PAM: variants seen among roughly 807,000 people sequenced by gnomAD.
The protein encoded by PAM is peptidylglycine alpha-amidating monooxygenase, also known as peptidyl-glycine alpha-amidating monooxygenase.
PAM carries 72 observed loss-of-function variants against 122.1 expected under a neutral mutation model. The ratio of observed to expected loss-of-function variants is 0.59; its 90% CI spans 0.49 to 0.72. The LOEUF (loss-of-function observed/expected upper bound fraction) is 0.72. PAM is among the 30% of genes least tolerant of loss of function. The pLI is 0.00. For missense variants in PAM, 1,106 were observed against 1,183.7 expected (o/e 0.93, Z 0.96); for synonymous variants, 389 against 404.4 (o/e 0.96, Z 0.46).
chr5:102,978,230 T>C (rs1266943896), intron 15 of PAM, among the ~76,000 whole-genome samples: 2 of 152,190 alleles, frequency 1.3e-5, no homozygotes, highest in African/African-American at 4.8e-5. Context: ...CAGTGTTTTA[T>C]CACAGTGGGA....
chr5:102,959,771 A>G (rs1761908917), intron 12 of PAM, 104 bp from the exon 13 acceptor site: 1 of 694,698 alleles, frequency 1.4e-6, no homozygotes, highest in Admixed American at 2.6e-5. Context: ...CAATATTTCT[A>G]CCTTTGAATC....
chr5:102,834,614 A>G (rs1776401330), intron 1 of PAM, among the ~76,000 whole-genome samples: 1 of 152,194 alleles, frequency 6.6e-6, no homozygotes, highest in Non-Finnish European at 1.5e-5. Context: ...AGTTGAGCAA[A>G]GATCTGAAGG....
intron 14 of PAM, among the ~76,000 whole-genome samples, chr5:102,969,077 A>G (rs1375624171): frequency 1.3e-5 from 2 of 150,908 alleles, no homozygotes; most frequent in African/African-American, 2.4e-5. Flanking sequence ...ATCACACACC[A>G]GTGCCTGTCG....
chr5:102,789,359 C>T (rs989205454), intron 1 of PAM, among the ~76,000 whole-genome samples: 6 of 151,998 alleles, frequency 3.9e-5, no homozygotes, highest in African/African-American at 1.2e-4. Context: ...TAGCATTATT[C>T]GTAATAGCCA....
intron 1 of PAM, among the ~76,000 whole-genome samples, chr5:102,791,600 C>A (rs1241750215): frequency 2.0e-5 from 3 of 152,036 alleles, no homozygotes; most frequent in Non-Finnish European, 4.4e-5. Context: ...TTTTCTCCAG[C>A]AGATTCTTCT....
intron 1 of PAM, among the ~76,000 whole-genome samples, chr5:102,805,299 A>T (rs1294164833): frequency 1.3e-5 from 2 of 151,902 alleles, no homozygotes; most frequent in African/African-American, 4.8e-5. Flanking sequence ...TGAACTCCTG[A>T]CCTCATGATC....
chr5:102,824,222 AAT>A (rs1327544643), intron 1 of PAM, among the ~76,000 whole-genome samples: 1 of 152,222 alleles, frequency 6.6e-6, no homozygotes, highest in Non-Finnish European at 1.5e-5. Context: ...TATTTAAGAA[AAT>A]ATGAGGCAAG....
chr5:102,944,900 C>A (rs920208212), intron 7 of PAM, among the ~76,000 whole-genome samples: 1 of 152,070 alleles, frequency 6.6e-6, no homozygotes, highest in East Asian at 1.9e-4. Flanking sequence ...CTATTTTACT[C>A]TTTTAATTTT....
intron 15 of PAM, among the ~76,000 whole-genome samples, chr5:102,977,296 G>A (rs376688260): frequency 1.6e-4 from 25 of 152,150 alleles, no homozygotes; most frequent in Non-Finnish European, 3.1e-4. Flanking sequence ...TCTCCACCTC[G>A]TTACGGGTTG....
At chr5:102,834,515 C>T (rs184652403) in intron 1 of PAM, among the ~76,000 whole-genome samples, 1 of 152,074 alleles carries the variant, frequency 6.6e-6, no homozygotes, top group Admixed American at 6.6e-5. Context: ...TACTTTAGAG[C>T]AATAGAGGGG....
chr5:102,842,413 C>G (rs146341318), intron 1 of PAM, among the ~76,000 whole-genome samples: 1 of 152,100 alleles, frequency 6.6e-6, no homozygotes, highest in South Asian at 2.1e-4. Flanking sequence ...CTCATGAGAT[C>G]TGATGGTTTC....
Position 103,025,078 on chromosome 5 carries a change from G to T in PAM, c.2486-53G>T, listed in dbSNP as rs891694274. 48 of 1,285,014 alleles carry T rather than the reference G, an allele frequency of 3.7e-5. No individual in the cohort carries two copies. The Middle Eastern group carries it at 5.7e-4, about 15-fold the overall frequency. The allele number at this position is 1,285,014 out of a possible 1,614,324, so 79.6% of individuals were successfully genotyped here. ...TTGACTGGGTAGGGGTGGGTAAGGG[G>T]GTTTTGAAATCTTTGAGTCAGTTGA... is the stretch of plus-strand genomic sequence containing the variant. On this transcript the variant is annotated intron_variant, in intron 23 of 25. Coordinates refer to ENST00000438793, the MANE Select transcript of PAM (RefSeq NM_001177306.2).
intron 5 of PAM, among the ~76,000 whole-genome samples, chr5:102,923,513 A>G (rs2151697211): frequency 6.6e-6 from 1 of 152,310 alleles, no homozygotes; most frequent in South Asian, 2.1e-4. Context: ...TTTTGGTCCC[A>G]GTTTTCAAAA....
At chr5:102,910,182 C>T (rs989036480) in intron 4 of PAM, among the ~76,000 whole-genome samples, 1 of 151,796 alleles carries the variant, frequency 6.6e-6, no homozygotes, top group Non-Finnish European at 1.5e-5. Context: ...CCCCAGGTCA[C>T]GTTCTTAGAG....
chr5:102,900,424 T>A (rs566299580), intron 3 of PAM, among the ~76,000 whole-genome samples: 1 of 151,748 alleles, frequency 6.6e-6, no homozygotes, highest in Admixed American at 6.6e-5. Context: ...CAGTAATTTT[T>A]CAAATTTTAA....
At chr5:102,988,117 C>T (rs191692042) in intron 15 of PAM, among the ~76,000 whole-genome samples, 1 of 152,266 alleles carries the variant, frequency 6.6e-6, no homozygotes, top group Admixed American at 6.5e-5. Flanking sequence ...CCCCAGCCCC[C>T]CATTCCACCT....
At chr5:102,858,152 C>A (rs1249186102) in intron 1 of PAM, among the ~76,000 whole-genome samples, 1 of 152,160 alleles carries the variant, frequency 6.6e-6, no homozygotes, top group Non-Finnish European at 1.5e-5. Context: ...TATGATTATT[C>A]TTTAGGATAT....
At chr5:102,891,405 A>G (rs1211937964) in intron 3 of PAM, among the ~76,000 whole-genome samples, 3 of 151,880 alleles carry the variant, frequency 2.0e-5, no homozygotes, top group African/African-American at 7.2e-5. Context: ...GTTCAAAGCT[A>G]AGGATGCAAA....
chr5:102,770,508 T>C (rs1755445911), intron 1 of PAM, among the ~76,000 whole-genome samples: 1 of 152,116 alleles, frequency 6.6e-6, no homozygotes, highest in South Asian at 2.1e-4. Context: ...GTCTGTCACA[T>C]ATGGCTTTTA....
Sources: gnomAD v4.1 joint callset for allele counts (sites outside exome capture counted in the v4.1 genomes callset) on GRCh38, gnomAD v4.1.1 for gene constraint, MANE v1.5 for transcripts, NCBI Gene and HGNC (gene_info 2026-07-23, HGNC 2026-07-21) for gene names.